The following SDC2 variants were observed in gnomAD, a reference collection of about 807,000 sequenced individuals.
SDC2 encodes the protein syndecan-2.
In SDC2, 13 loss-of-function variants were observed where a neutral mutation model predicts 22.2. The observed-to-expected ratio is 0.59, with a 90% CI of 0.38 to 0.93. The LOEUF (loss-of-function observed/expected upper bound fraction) is 0.93. SDC2 is among the 40% of genes least tolerant of loss of function. The pLI is 0.00. For synonymous variants in SDC2, 94 were observed against 92.8 expected (o/e 1.01, Z -0.07); for missense variants, 235 against 246.8 (o/e 0.95, Z 0.32).
At chr8:96,600,156 A>G (rs1453516197) in intron 2 of SDC2, among the ~76,000 whole-genome samples, 1 of 152,164 alleles carries the variant, frequency 6.6e-6, no homozygotes, top group Non-Finnish European at 1.5e-5. Flanking sequence ...AAGAAAAGAA[A>G]AAGAAAGAAG....
At position 96,602,505 on chromosome 8, in the gene SDC2, A is replaced by C; in HGVS notation, c.283A>C (p.Asn95His). 6.2e-7 allele frequency: 1 copy of C among 1,614,190 alleles called. No individual in the cohort carries two copies. The highest frequency in any genetic ancestry group is 8.5e-7 in the Non-Finnish European group (1 of 1,179,996). Residue 95 changes from asparagine (N) to histidine (H), a missense_variant, in exon 3 of 5, where the codon AAC becomes CAC. Physicochemically the swap from Asn to His is moderately conservative, Grantham distance 68. Coordinates refer to ENST00000302190, the MANE Select transcript of SDC2 (RefSeq NM_002998.4). ...GGAAACCACGACGCTGAATATACAG[A>C]ACAAGATACCTGCTCAGACAAAGGT... ...KVETTTLNIQ[N>H]KIPAQTKSPE... is the part of the protein sequence containing the mutation.
rs140180691 is a variant in SDC2 at position 96,563,239 on chromosome 8, C to A, written c.61-30241C>A. Among the ~76,000 whole-genome samples, 403 of 152,272 alleles carry A rather than the reference C, an allele frequency of 2.6e-3. 2 individuals carry two copies. The Middle Eastern group carries it at 0.068, about 26-fold the overall frequency. On this transcript the variant is annotated intron_variant, in intron 1 of 4. Transcript: ENST00000302190. ...AGCCTTCCATCTGGCTTTCCTAGCC[C>A]TTCCTAGCCCACCATTCTAACGGCC...
chr8:96,580,498 C>T (rs564248999), intron 1 of SDC2: 1 of 985,376 alleles, frequency 1.0e-6, no homozygotes, highest in African/African-American at 1.7e-5. Context: ...ATGTGAGCAT[C>T]ATGACTACAG....
At chr8:96,559,988 G>T (rs551216268) in intron 1 of SDC2, among the ~76,000 whole-genome samples, 4 of 152,104 alleles carry the variant, frequency 2.6e-5, no homozygotes, top group Non-Finnish European at 5.9e-5. Context: ...GCTGTAAAAT[G>T]TAATTTACAT....
chr8:96,554,500 A>G (rs1364523792), intron 1 of SDC2, among the ~76,000 whole-genome samples: 1 of 152,152 alleles, frequency 6.6e-6, no homozygotes, highest in Admixed American at 6.5e-5. Flanking sequence ...AAAGACCTCT[A>G]ATCTTATAAT....
At chr8:96,537,020 T>G (rs1209847500) in intron 1 of SDC2, among the ~76,000 whole-genome samples, 1 of 152,238 alleles carries the variant, frequency 6.6e-6, no homozygotes, top group East Asian at 1.9e-4. Context: ...ATTCAATTTA[T>G]CTATATTATA....
intron 1 of SDC2, among the ~76,000 whole-genome samples, chr8:96,545,640 T>A (rs1344391123): frequency 6.6e-6 from 1 of 152,168 alleles, no homozygotes; most frequent in Non-Finnish European, 1.5e-5. Flanking sequence ...AGAGCAATGT[T>A]CTCAAACTGT....
chr8:96,599,083 A>G (rs1480781939), intron 2 of SDC2, among the ~76,000 whole-genome samples: 3 of 151,408 alleles, frequency 2.0e-5, no homozygotes, highest in African/African-American at 7.3e-5. Flanking sequence ...CTGGGACTAC[A>G]GGCGCCCACC....
At chr8:96,604,524 A>G (rs1815045438) in intron 3 of SDC2, among the ~76,000 whole-genome samples, 1 of 152,128 alleles carries the variant, frequency 6.6e-6, no homozygotes, top group South Asian at 2.1e-4. Flanking sequence ...TAATGATTAA[A>G]TTTTTCATTT....
intron 1 of SDC2, among the ~76,000 whole-genome samples, chr8:96,577,115 G>A (rs190191119): frequency 8.5e-5 from 13 of 152,292 alleles, no homozygotes; most frequent in African/African-American, 2.9e-4. Flanking sequence ...TTGCTTGATG[G>A]AACAGTGTAG....
intron 1 of SDC2, among the ~76,000 whole-genome samples, chr8:96,556,053 C>T (rs940583194): frequency 1.9e-4 from 25 of 134,664 alleles, no homozygotes; most frequent in East Asian, 2.5e-4. Flanking sequence ...CACACACACA[C>T]ACATACACAC....
intron 1 of SDC2, chr8:96,584,885 C>T (rs1200926289): frequency 6.6e-6 from 1 of 152,160 alleles, no homozygotes; most frequent in East Asian, 1.9e-4. Flanking sequence ...ACTCAAAGTC[C>T]CAGGCGTTGC....
At chr8:96,505,018 G>A (rs1177924046) in intron 1 of SDC2, among the ~76,000 whole-genome samples, 1 of 152,160 alleles carries the variant, frequency 6.6e-6, no homozygotes, top group Non-Finnish European at 1.5e-5. Context: ...GATGAGCCAG[G>A]AGAAGGAATT....
chr8:96,515,448 C>T (rs1276682113), intron 1 of SDC2, among the ~76,000 whole-genome samples: 1 of 151,952 alleles, frequency 6.6e-6, no homozygotes, highest in African/African-American at 2.4e-5. Context: ...GGAGGTTGCT[C>T]TTGATATGGG....
intron 1 of SDC2, among the ~76,000 whole-genome samples, chr8:96,573,999 A>G (rs1252907160): frequency 1.3e-5 from 2 of 151,356 alleles, no homozygotes; most frequent in Admixed American, 1.3e-4. Context: ...CGTGTGCCTC[A>G]TTTGACCCTA....
At chr8:96,542,298 A>AT (rs1813863567) in intron 1 of SDC2, among the ~76,000 whole-genome samples, 2 of 152,072 alleles carry the variant, frequency 1.3e-5, no homozygotes, top group Admixed American at 1.3e-4. Flanking sequence ...TGTATCTCCC[A>AT]TTTTATAGCC....
chr8:96,600,117 C>T (rs947219677), intron 2 of SDC2, among the ~76,000 whole-genome samples: 2 of 152,276 alleles, frequency 1.3e-5, no homozygotes, highest in African/African-American at 4.8e-5. Flanking sequence ...CATGATCGCA[C>T]CCCTGCACTC....
Position 96,602,384 on chromosome 8 carries a change from T to C in SDC2, c.173-11T>C. The C allele has an allele frequency of 6.2e-7, 1 of 1,613,404 alleles. No individual in the cohort carries two copies. The highest frequency in any genetic ancestry group is 8.5e-7 in the Non-Finnish European group (1 of 1,179,550). On this transcript the variant is annotated splice_polypyrimidine_tract_variant and intron_variant, in intron 2 of 4. Coordinates refer to ENST00000302190, the MANE Select transcript of SDC2 (RefSeq NM_002998.4). ...TTGCCATGCTCAGTTCATCTTCACT[T>C]ACTTTTCCAGGAGCTGATGAGGATG... is the stretch of plus-strand genomic sequence containing the variant.
At chr8:96,556,495 A>G (rs1431225614) in intron 1 of SDC2, among the ~76,000 whole-genome samples, 2 of 152,084 alleles carry the variant, frequency 1.3e-5, no homozygotes, top group African/African-American at 2.4e-5. Flanking sequence ...CTGATCTTTG[A>G]CAAACCTGAC....
Sources: allele counts gnomAD v4.1 joint callset (sites outside exome capture counted in the v4.1 genomes callset), GRCh38; gene constraint gnomAD v4.1.1; transcripts MANE v1.5; gene names NCBI Gene and HGNC (gene_info 2026-07-23, HGNC 2026-07-21).